The following RPRD2 variants were observed in gnomAD, a reference collection of about 807,000 sequenced individuals.
RPRD2 encodes the protein regulation of nuclear pre-mRNA domain-containing protein 2.
A neutral mutation model predicts 104.4 loss-of-function variants in RPRD2; 12 were observed. The ratio of observed to expected loss-of-function variants is 0.11; its 90% CI spans 0.07 to 0.19. The LOEUF (loss-of-function observed/expected upper bound fraction) is 0.19. RPRD2 is among the 10% of genes least tolerant of loss of function. RPRD2 has a pLI of 1.00. For synonymous variants in RPRD2, 714 were observed against 684.9 expected, an observed-to-expected ratio of 1.04 and a Z score of -0.66; for missense variants, 1,543 against 1,790.1, an observed-to-expected ratio of 0.86 and a Z score of 2.49.
At chr1:150,451,624 GAGA>G (rs1667177096) in intron 7 of RPRD2, among the ~76,000 whole-genome samples, 1 of 147,274 alleles carries the variant, frequency 6.8e-6, no homozygotes, top group Admixed American at 6.8e-5. Flanking sequence ...GCAGGGAGCC[GAGA>G]TCGCGCCACT....
Position 150,471,762 on chromosome 1 carries a change from C to G in RPRD2, c.2814C>G (p.Phe938Leu). 4 of 1,613,906 alleles carry G rather than the reference C, an allele frequency of 2.5e-6. No individual in the cohort carries two copies. The highest frequency in any genetic ancestry group is 3.4e-6 in the Non-Finnish European group (4 of 1,179,854). Reference sequence around the variant, plus strand: ...CACCGAGTAAGAATGATTCATTTTTCACCCCTGACTCCAACCACAATAGCT... The same window carrying G: ...CACCGAGTAAGAATGATTCATTTTTGACCCCTGACTCCAACCACAATAGCT... ...SPSPSKNDSFFTPDSNHNSLS... is the reference protein window; with the variant it reads ...SPSPSKNDSFLTPDSNHNSLS... Residue 938 changes from phenylalanine to leucine, a missense_variant, in exon 11 of 11, where the codon TTC (phenylalanine) becomes TTG (leucine). By Grantham distance (22) the Phe-to-Leu change is conservative (BLOSUM62 0). Coordinates refer to ENST00000369068, the MANE Select transcript of RPRD2 (RefSeq NM_015203.5). The surrounding 1 kb of genome is among the most constrained non-coding windows in gnomAD (Gnocchi z 5.3).
In RPRD2 at chr1:150,444,437, A is replaced by G. The variant is rs16836940; in HGVS notation, c.694+60A>G. 344,419 of 1,554,316 alleles carry G rather than the reference A, an allele frequency of 0.22. 44,428 individuals are homozygous for G. The highest frequency in any genetic ancestry group is 0.56 in the African/African-American group (40,802 of 72,836). ...TTCTTTCCATATGTGTCATTTTTCCAGTAATCATACTGGTTTACCTCATAA... is the reference window on the plus strand; with the variant it reads ...TTCTTTCCATATGTGTCATTTTTCCGGTAATCATACTGGTTTACCTCATAA... On this transcript the variant is annotated intron_variant, in intron 6 of 10. Coordinates refer to ENST00000369068, the MANE Select transcript of RPRD2 (RefSeq NM_015203.5).
chr1:150,383,555 G>A (rs2102142077), intron 1 of RPRD2, among the ~76,000 whole-genome samples: 1 of 151,542 alleles, frequency 6.6e-6, no homozygotes, highest in South Asian at 2.1e-4. Context: ...GACCTCAGGT[G>A]ATCCACCTGC....
intron 4 of RPRD2, 123 bp from the exon 5 acceptor site, chr1:150,443,108 T>G (rs1666514394): frequency 1.6e-6 from 1 of 629,904 alleles, no homozygotes; most frequent in Non-Finnish European, 2.8e-6. Context: ...TTAGGAATTA[T>G]GACTTAAATG....
At chr1:150,468,077 G>A (rs1036577322) in intron 10 of RPRD2, among the ~76,000 whole-genome samples, 10 of 151,970 alleles carry the variant, frequency 6.6e-5, no homozygotes, top group South Asian at 2.1e-4. Context: ...TAGGAGAATC[G>A]CTTGAACCCG....
rs1666758968 is a variant in RPRD2 at position 150,446,143 on chromosome 1, A to G, written c.695-83A>G. 1.4e-5 allele frequency: 13 copies of G among 904,824 alleles called. No individual in the cohort carries two copies. The East Asian group carries it at 3.5e-4, about 24-fold the overall frequency. 56.0% of individuals were successfully genotyped at this position (904,824 alleles called of 1,614,324 possible). On this transcript the variant is annotated intron_variant, in intron 6 of 10. Transcript: ENST00000369068. ...AGGCAGCAAGAGTATGTTCACAAAG[A>G]GAGGTTTTCTTCAAAAGTCAAAAGA... is the stretch of plus-strand genomic sequence containing the variant.
In RPRD2 at chr1:150,411,808, A is replaced by C. The variant is rs1161983426; in HGVS notation, c.206-5788A>C. Reference sequence around the variant, plus strand: ...TGTCTCAAAAAAAAAAAAAAAAAAAAAAAAAAAACGAAACAAACAAAAGAA... The same window carrying C: ...TGTCTCAAAAAAAAAAAAAAAAAAACAAAAAAAACGAAACAAACAAAAGAA... On this transcript the variant is annotated intron_variant, in intron 1 of 10. Coordinates refer to ENST00000369068, the MANE Select transcript of RPRD2 (RefSeq NM_015203.5). Among the ~76,000 whole-genome samples the C allele has an allele frequency of 4.9e-5, 7 of 143,764 alleles. No individual in the cohort carries two copies. In the Admixed American group the frequency reaches 4.9e-4, roughly 10 times the overall value. The allele number at this position is 143,764 out of a possible 152,430, so 94.3% of individuals were successfully genotyped here.
At chr1:150,387,415 C>T (rs1471525142) in intron 1 of RPRD2, among the ~76,000 whole-genome samples, 1 of 151,922 alleles carries the variant, frequency 6.6e-6, no homozygotes, top group Non-Finnish European at 1.5e-5. Context: ...TTCTCAGAAA[C>T]TAAGAGAAGA....
rs1407471008 is a variant in RPRD2 at position 150,382,386 on chromosome 1, ATTTG to A, written c.205+17479_205+17482del. On this transcript the variant is annotated intron_variant, in intron 1 of 10. Coordinates refer to ENST00000369068, the MANE Select transcript of RPRD2 (RefSeq NM_015203.5). ...GTTTTTATAGCTTTTTTGTTTGTTA[ATTTG>A]TTTGTTTGTTTTGAGACAGAGTTTG... 2.6e-5 allele frequency among the ~76,000 whole-genome samples: 4 copies of A among 152,030 alleles called. No individual in the cohort carries two copies. In the East Asian group the frequency reaches 5.8e-4, roughly 22 times the overall value.
At chr1:150,448,827 TA>T (rs1273239172) in intron 7 of RPRD2, among the ~76,000 whole-genome samples, 1 of 152,244 alleles carries the variant, frequency 6.6e-6, no homozygotes, top group Non-Finnish European at 1.5e-5. Context: ...AAATAGCTCT[TA>T]ACTGTTGTCC....
chr1:150,460,443 TC>T (rs1667853154), intron 9 of RPRD2, 126 bp downstream of exon 9: 1 of 1,011,696 alleles, frequency 9.9e-7, no homozygotes, highest in Non-Finnish European at 1.4e-6. Flanking sequence ...TCGCTCTGTC[TC>T]CCAGGCAGGA....
At chr1:150,447,356 C>T (rs1300185608) in intron 7 of RPRD2, among the ~76,000 whole-genome samples, 8 of 142,024 alleles carry the variant, frequency 5.6e-5, no homozygotes, top group African/African-American at 1.1e-4. Flanking sequence ...TTTTTTGAGA[C>T]GGAGTTTCCC....
intron 9 of RPRD2, among the ~76,000 whole-genome samples, chr1:150,460,751 G>A (rs1365483294): frequency 1.6e-4 from 23 of 144,184 alleles, no homozygotes; most frequent in Admixed American, 4.3e-4. Flanking sequence ...TTTCTGAGAC[G>A]GAGTTTCAGT....
rs1250838297 is a variant in RPRD2 at position 150,471,459 on chromosome 1, G to A, written c.2511G>A (p.Glu837=). The part of the protein sequence containing the change: ...FQEDEDYRDF[E]YSGPPPSAMM... Reference sequence around the variant, plus strand: ...AAGATGAGGATTACCGAGATTTTGAGTATTCAGGGCCTCCACCCTCTGCCA... The same window carrying A: ...AAGATGAGGATTACCGAGATTTTGAATATTCAGGGCCTCCACCCTCTGCCA... Residue 837 remains glutamate, a synonymous_variant, in exon 11 of 11, where the codon GAG becomes GAA. Coordinates refer to ENST00000369068, the MANE Select transcript of RPRD2 (RefSeq NM_015203.5). The surrounding 1 kb of genome is among the most constrained non-coding windows in gnomAD (Gnocchi z 5.3). 1 of 1,613,926 alleles carries A rather than the reference G, an allele frequency of 6.2e-7. No individual in the cohort carries two copies. Among genetic ancestry groups the A allele is most frequent in the Admixed American group, 1.7e-5 (1 of 60,012 alleles).
At chr1:150,461,795 A>T (rs1356550476) in intron 9 of RPRD2, among the ~76,000 whole-genome samples, 4 of 152,032 alleles carry the variant, frequency 2.6e-5, no homozygotes, top group African/African-American at 9.6e-5. Context: ...CCTGGCCAAC[A>T]TGGTAAAACC....
intron 1 of RPRD2, among the ~76,000 whole-genome samples, chr1:150,411,788 CAAAAAAA>C (rs71086508): frequency 8.5e-5 from 6 of 70,726 alleles, no homozygotes; most frequent in Non-Finnish European, 1.2e-4. Flanking sequence ...TAGACTGTCT[CAAAAAAA>C]AAAAAAAAAA....
At chr1:150,459,031 C>G (rs1360694084) in intron 8 of RPRD2, among the ~76,000 whole-genome samples, 1 of 152,116 alleles carries the variant, frequency 6.6e-6, no homozygotes, top group Non-Finnish European at 1.5e-5. Context: ...TGTTAAATAG[C>G]ACTGTTTTGG....
chr1:150,462,455 C>CAA (rs1309078774), intron 9 of RPRD2, among the ~76,000 whole-genome samples: 1 of 137,862 alleles, frequency 7.3e-6, no homozygotes, highest in African/African-American at 2.9e-5. Context: ...CAAAAAAAAA[C>CAA]AAAAAACAAA....
At chr1:150,400,884 T>G (rs1245375971) in intron 1 of RPRD2, among the ~76,000 whole-genome samples, 1 of 151,942 alleles carries the variant, frequency 6.6e-6, no homozygotes, top group Admixed American at 6.6e-5. Context: ...CTTTTTTTTT[T>G]TAAAAAAAAG....
Sources: allele counts gnomAD v4.1 joint callset (sites outside exome capture counted in the v4.1 genomes callset), GRCh38; gene constraint gnomAD v4.1.1; non-coding constraint Gnocchi (gnomAD v3.1); transcripts MANE v1.5; gene names NCBI Gene and HGNC (gene_info 2026-07-23, HGNC 2026-07-21).